Variants in UMAD1 observed in about 807,000 individuals in gnomAD.
UMAD1 encodes UBAP1-MVB12-associated (UMA) domain containing 1.
In UMAD1, 8 loss-of-function variants were observed where a neutral mutation model predicts 6.1. That is an observed-to-expected ratio of 1.30 (90% CI 0.76 to 2.35). The LOEUF (loss-of-function observed/expected upper bound fraction) is 2.35. Ranked by LOEUF, UMAD1 falls within the 30% of genes most tolerant of loss-of-function variation. The probability of loss-of-function intolerance (pLI) is 0.00; values close to 1 mark genes in which losing one functional copy is unlikely to be tolerated. For missense variants in UMAD1, 130 were observed against 78.4 expected (o/e 1.66, Z -2.49); for synonymous variants, 56 against 31.4 (o/e 1.78, Z -2.61).
intron 2 of UMAD1, among the ~76,000 whole-genome samples, chr7:7,744,593 GTT>G (rs377391555): frequency 5.2e-5 from 7 of 135,852 alleles, no homozygotes; most frequent in African/African-American, 8.2e-5. Flanking sequence ...AATTGTTACT[GTT>G]TTTTTTTTTT....
intron 2 of UMAD1, among the ~76,000 whole-genome samples, chr7:7,749,003 C>T (rs77259451): frequency 0.07 from 10,676 of 152,056 alleles, 408 homozygotes; most frequent in Non-Finnish European, 0.085. Flanking sequence ...GGCTCTTCTT[C>T]GCCCAGATCA....
At chr7:7,859,162 T>C (rs1018405722) in intron 3 of UMAD1, among the ~76,000 whole-genome samples, 5 of 152,250 alleles carry the variant, frequency 3.3e-5, no homozygotes, top group African/African-American at 1.2e-4. Flanking sequence ...GCATATATTA[T>C]AATAATTTTT....
chr7:7,656,581 CTTGTG>C (rs1291671408), intron 1 of UMAD1, among the ~76,000 whole-genome samples: 1 of 151,724 alleles, frequency 6.6e-6, no homozygotes, highest in African/African-American at 2.4e-5. Flanking sequence ...GTTTTCTGTT[CTTGTG>C]TTTGTTTGCT....
intron 2 of UMAD1, among the ~76,000 whole-genome samples, chr7:7,752,704 C>G (rs1312540997): frequency 6.6e-6 from 1 of 151,830 alleles, no homozygotes; most frequent in African/African-American, 2.4e-5. Flanking sequence ...TGTCATTTGT[C>G]AAAATATGTA....
chr7:7,659,546 C>T (rs1785424505), intron 1 of UMAD1, among the ~76,000 whole-genome samples: 1 of 152,088 alleles, frequency 6.6e-6, no homozygotes, highest in African/African-American at 2.4e-5. Context: ...TTATTTCTGC[C>T]TTAATTTCGT....
chr7:7,802,001 A>C (rs1403064912), intron 3 of UMAD1, among the ~76,000 whole-genome samples: 2 of 152,286 alleles, frequency 1.3e-5, no homozygotes, highest in Non-Finnish European at 2.9e-5. Context: ...AAGTTAAAAC[A>C]TTTAAACTAT....
chr7:7,816,185 G>A (rs1447559579), intron 3 of UMAD1, among the ~76,000 whole-genome samples: 1 of 28,018 alleles, frequency 3.6e-5, no homozygotes, highest in African/African-American at 1.3e-4. Context: ...ATTTCCCAAG[G>A]TCACAAAAAA....
At chr7:7,713,342 T>TCAAAA (rs1038529412) in intron 2 of UMAD1, among the ~76,000 whole-genome samples, 5 of 151,362 alleles carry the variant, frequency 3.3e-5, no homozygotes, top group Non-Finnish European at 5.9e-5. Flanking sequence ...AGACTCCATC[T>TCAAAA]CAAAACAAAA....
At chr7:7,660,575 G>C (rs1785449471) in intron 1 of UMAD1, among the ~76,000 whole-genome samples, 1 of 152,296 alleles carries the variant, frequency 6.6e-6, no homozygotes, top group East Asian at 1.9e-4. Flanking sequence ...TAGTTTGGCT[G>C]GATATGAAAT....
In UMAD1 at chr7:7,850,186, A is replaced by G. The variant is rs953772024; in HGVS notation, c.157-27095A>G. Among the ~76,000 whole-genome samples, 8 of 152,288 alleles carry G rather than the reference A, an allele frequency of 5.3e-5. No individual in the cohort carries two copies. The South Asian group carries it at 1.7e-3, about 32-fold the overall frequency. On this transcript the variant is annotated intron_variant, in intron 3 of 3. Coordinates refer to ENST00000682710, the MANE Select transcript of UMAD1 (RefSeq NM_001302348.2). ...ACTATCTATCCCCATGACATTTTTA[A>G]GCTATCATAAAACTTTTCCTTTATA...
chr7:7,841,935 A>G (rs111232480), intron 3 of UMAD1, among the ~76,000 whole-genome samples: 15 of 152,200 alleles, frequency 9.9e-5, no homozygotes, highest in Non-Finnish European at 2.1e-4. Flanking sequence ...AAAACCTATC[A>G]TCTGATATGG....
intron 2 of UMAD1, among the ~76,000 whole-genome samples, chr7:7,674,676 T>C (rs998698505): frequency 2.6e-5 from 4 of 152,202 alleles, no homozygotes; most frequent in Non-Finnish European, 5.9e-5. Flanking sequence ...ATTGCTAATA[T>C]GACCCTTCCT....
intron 1 of UMAD1, among the ~76,000 whole-genome samples, chr7:7,644,259 C>A (rs1785044935): frequency 6.6e-6 from 1 of 150,734 alleles, no homozygotes; most frequent in South Asian, 2.1e-4. Flanking sequence ...CTTTTTCTTA[C>A]TGACTTTTAA....
intron 2 of UMAD1, among the ~76,000 whole-genome samples, chr7:7,702,788 G>C (rs567621253): frequency 7.7e-6 from 1 of 130,128 alleles, no homozygotes; most frequent in African/African-American, 2.9e-5. Context: ...CTGGGTTTTT[G>C]TTGTTGTTGT....
At chr7:7,700,706 G>A (rs1780439014) in intron 2 of UMAD1, among the ~76,000 whole-genome samples, 1 of 152,160 alleles carries the variant, frequency 6.6e-6, no homozygotes. Flanking sequence ...TGGCCAACAT[G>A]GCAAAACCCT....
At chr7:7,824,014 G>C (rs1370262328) in intron 3 of UMAD1, among the ~76,000 whole-genome samples, 2 of 152,172 alleles carry the variant, frequency 1.3e-5, no homozygotes, top group East Asian at 3.9e-4. Flanking sequence ...AATGTTGAGG[G>C]CAAGTGGATA....
intron 2 of UMAD1, among the ~76,000 whole-genome samples, chr7:7,797,105 G>T (rs1386853726): frequency 6.6e-6 from 1 of 152,180 alleles, no homozygotes; most frequent in Non-Finnish European, 1.5e-5. Context: ...ACTGCTTCTG[G>T]TCAGGGCCCC....
At chr7:7,698,978 C>G (rs1583750129) in intron 2 of UMAD1, among the ~76,000 whole-genome samples, 2 of 151,604 alleles carry the variant, frequency 1.3e-5, no homozygotes, top group Admixed American at 1.3e-4. Flanking sequence ...CTTCAGCCCC[C>G]CAAGTATCTG....
chr7:7,643,074 T>A (rs1382701997), intron 1 of UMAD1, among the ~76,000 whole-genome samples: 1 of 152,094 alleles, frequency 6.6e-6, no homozygotes, highest in African/African-American at 2.4e-5. Flanking sequence ...CCCAACCCAC[T>A]AGAAATGTTG....
Sources: gnomAD v4.1 joint callset for allele counts (sites outside exome capture counted in the v4.1 genomes callset) on GRCh38, gnomAD v4.1.1 for gene constraint, MANE v1.5 for transcripts, NCBI Gene and HGNC (gene_info 2026-07-23, HGNC 2026-07-21) for gene names.